CTDSPL: variants seen among roughly 807,000 people sequenced by gnomAD.
CTDSPL encodes CTD small phosphatase-like protein.
A neutral mutation model predicts 30.5 loss-of-function variants in CTDSPL; 8 were observed. The observed-to-expected ratio is 0.26, with a 90% CI of 0.15 to 0.47. The LOEUF is 0.47. CTDSPL is among the 20% of genes least tolerant of loss of function. The pLI is 0.99. For synonymous variants in CTDSPL, 110 were observed against 137.9 expected (o/e 0.80, Z 1.42); for missense variants, 248 against 366.1 (o/e 0.68, Z 2.63).
At chr3:37,868,884 C>T (rs1698042174) in intron 1 of CTDSPL, among the ~76,000 whole-genome samples, 1 of 151,958 alleles carries the variant, frequency 6.6e-6, no homozygotes, top group African/African-American at 2.4e-5. Context: ...TTTAGCTGTT[C>T]TAGTTTTGTT....
chr3:37,930,971 T>A (rs1698846759), intron 1 of CTDSPL, among the ~76,000 whole-genome samples: 2 of 152,200 alleles, frequency 1.3e-5, no homozygotes, highest in African/African-American at 4.8e-5. Flanking sequence ...AAAGTCTTTT[T>A]GGTCTGATAT....
intron 1 of CTDSPL, among the ~76,000 whole-genome samples, chr3:37,866,342 A>G (rs1164948388): frequency 1.3e-5 from 2 of 152,206 alleles, no homozygotes; most frequent in Non-Finnish European, 2.9e-5. Flanking sequence ...ACACATACAC[A>G]CAACTGTATA....
At chr3:37,888,245 C>T (rs1263661684) in intron 1 of CTDSPL, among the ~76,000 whole-genome samples, 1 of 152,174 alleles carries the variant, frequency 6.6e-6, no homozygotes, top group African/African-American at 2.4e-5. Context: ...TGTCATATTA[C>T]CAATGTTTTC....
intron 1 of CTDSPL, among the ~76,000 whole-genome samples, chr3:37,928,725 C>G (rs577753596): frequency 6.6e-6 from 1 of 152,098 alleles, no homozygotes; most frequent in African/African-American, 2.4e-5. Context: ...TTCTCCCATG[C>G]TTTAGGTTGC....
At chr3:37,953,712 C>G (rs1699136126) in intron 2 of CTDSPL, among the ~76,000 whole-genome samples, 1 of 152,138 alleles carries the variant, frequency 6.6e-6, no homozygotes, top group South Asian at 2.1e-4. Context: ...AATACATGAA[C>G]TGTATAGTAG....
chr3:37,927,259 A>G (rs1698790981), intron 1 of CTDSPL, among the ~76,000 whole-genome samples: 1 of 152,222 alleles, frequency 6.6e-6, no homozygotes, highest in African/African-American at 2.4e-5. Flanking sequence ...AAGGTGCTCA[A>G]AGATGGTGGG....
chr3:37,935,152 C>G (rs1698900739), intron 1 of CTDSPL, among the ~76,000 whole-genome samples: 2 of 152,326 alleles, frequency 1.3e-5, no homozygotes, highest in South Asian at 4.1e-4. Context: ...GTTGGACATT[C>G]ATATTGTTTG....
intron 1 of CTDSPL, among the ~76,000 whole-genome samples, chr3:37,877,887 G>T (rs951016090): frequency 6.6e-6 from 1 of 152,048 alleles, no homozygotes; most frequent in Non-Finnish European, 1.5e-5. Flanking sequence ...CATTTCCATG[G>T]GGAGGGCACC....
intron 1 of CTDSPL, among the ~76,000 whole-genome samples, chr3:37,905,280 G>T (rs887119786): frequency 6.6e-6 from 1 of 152,198 alleles, no homozygotes; most frequent in Non-Finnish European, 1.5e-5. Context: ...CATAAAGGGG[G>T]CAAGGTTTAT....
intron 1 of CTDSPL, among the ~76,000 whole-genome samples, chr3:37,864,850 G>A (rs1697991630): frequency 6.6e-6 from 1 of 151,820 alleles, no homozygotes; most frequent in South Asian, 2.1e-4. Context: ...TTTTATAATA[G>A]GGAAGAAACT....
In CTDSPL at chr3:37,982,453, A is replaced by G. The variant is rs1699503140; in HGVS notation, c.*1586A>G. ...CCTTTCATATTGGCACCATTGCCTT[A>G]GTCCTCTGTGGGTTGGTCTTCAGCC... On this transcript the variant is annotated 3_prime_UTR_variant, in exon 8 of 8. Coordinates refer to ENST00000273179, the MANE Select transcript of CTDSPL (RefSeq NM_001008392.2). 2.3e-6 allele frequency: 1 copy of G among 443,604 alleles called. No homozygotes were observed. The highest frequency in any genetic ancestry group is 1.6e-5 in the South Asian group (1 of 62,704). 27.5% of individuals were successfully genotyped at this position (443,604 alleles called of 1,614,324 possible).
intron 1 of CTDSPL, among the ~76,000 whole-genome samples, chr3:37,919,808 TG>T (rs770506086): frequency 4.1e-4 from 62 of 152,066 alleles, no homozygotes; most frequent in Admixed American, 2.0e-4. Flanking sequence ...CGCTGGGCCC[TG>T]GGGGAAACAG....
intron 1 of CTDSPL, among the ~76,000 whole-genome samples, chr3:37,872,947 A>T (rs1698093479): frequency 6.6e-6 from 1 of 152,102 alleles, no homozygotes; most frequent in Non-Finnish European, 1.5e-5. Flanking sequence ...CTGTACTGCA[A>T]TGGGAGTGTT....
At chr3:37,918,121 G>A (rs527937267) in intron 1 of CTDSPL, among the ~76,000 whole-genome samples, 3 of 152,302 alleles carry the variant, frequency 2.0e-5, no homozygotes, top group African/African-American at 7.2e-5. Flanking sequence ...AATAAACCCA[G>A]TTACGTGCAT....
chr3:37,887,924 A>C (rs1698280956), intron 1 of CTDSPL, among the ~76,000 whole-genome samples: 2 of 152,236 alleles, frequency 1.3e-5, no homozygotes, highest in Non-Finnish European at 2.9e-5. Flanking sequence ...GCCTTGCATA[A>C]TTTAAGAAAT....
intron 1 of CTDSPL, among the ~76,000 whole-genome samples, chr3:37,895,888 A>G (rs1051671591): frequency 1.3e-5 from 2 of 152,246 alleles, no homozygotes; most frequent in African/African-American, 4.8e-5. Context: ...AAAAAAACTA[A>G]TAGTGAACTG....
At chr3:37,914,069 A>G (rs1339381390) in intron 1 of CTDSPL, among the ~76,000 whole-genome samples, 1 of 152,214 alleles carries the variant, frequency 6.6e-6, no homozygotes, top group Non-Finnish European at 1.5e-5. Flanking sequence ...AACCATGAAC[A>G]TAGTATATCC....
At chr3:37,979,876 A>G (rs1219725639) in intron 7 of CTDSPL, among the ~76,000 whole-genome samples, 1 of 152,240 alleles carries the variant, frequency 6.6e-6, no homozygotes, top group African/African-American at 2.4e-5. Flanking sequence ...TTTTAATTAT[A>G]TAACACATTT....
intron 1 of CTDSPL, among the ~76,000 whole-genome samples, chr3:37,915,757 C>T (rs892734336): frequency 1.3e-5 from 2 of 152,104 alleles, no homozygotes; most frequent in Non-Finnish European, 2.9e-5. Flanking sequence ...CCTTTGTGAA[C>T]TGTTTCTATT....
Sources: gnomAD v4.1 joint callset for allele counts (sites outside exome capture counted in the v4.1 genomes callset) on GRCh38, gnomAD v4.1.1 for gene constraint, MANE v1.5 for transcripts, NCBI Gene and HGNC (gene_info 2026-07-23, HGNC 2026-07-21) for gene names.